TSG101: variants seen among roughly 807,000 people sequenced by gnomAD.
TSG101 encodes tumor susceptibility gene 101 protein.
Under a neutral mutation model 48.5 loss-of-function variants are expected in TSG101, and 19 were observed. The observed-to-expected ratio is 0.39, with a 90% CI of 0.27 to 0.58. The LOEUF (loss-of-function observed/expected upper bound fraction) is 0.58. Ranked by LOEUF, TSG101 falls within the 20% of genes least tolerant of loss-of-function variation. The probability of loss-of-function intolerance (pLI) is 0.55; values close to 1 mark genes in which losing one functional copy is unlikely to be tolerated. For synonymous variants in TSG101, 174 were observed against 169.4 expected (o/e 1.03, Z -0.21); for missense variants, 365 against 484.4 (o/e 0.75, Z 2.31).
chr11:18,522,340 C>G (rs752533478), intron 1 of TSG101, among the ~76,000 whole-genome samples: 7 of 152,208 alleles, frequency 4.6e-5, no homozygotes, highest in Non-Finnish European at 8.8e-5. Flanking sequence ...CCCAAATTTA[C>G]TTCTCCAGTG....
chr11:18,503,661 C>T (rs1426731371), intron 6 of TSG101, among the ~76,000 whole-genome samples: 3 of 152,018 alleles, frequency 2.0e-5, no homozygotes, highest in Non-Finnish European at 2.9e-5. Context: ...TGTGAGCCAC[C>T]GCACCCAGCC....
At chr11:18,492,118 A>C (rs1849707221) in intron 7 of TSG101, among the ~76,000 whole-genome samples, 1 of 152,262 alleles carries the variant, frequency 6.6e-6, no homozygotes, top group Non-Finnish European at 1.5e-5. Context: ...AGATTTCATT[A>C]AGTCCCCAGT....
rs770229047 is a variant in TSG101, at chr11:18,483,887, G to A, written c.826C>T (p.Arg276Cys). The change falls in exon 8 of 10, where the codon CGT becomes TGT. Residue 276 changes from arginine (R) to cysteine (C), a missense_variant. By Grantham distance (180) the Arg-to-Cys change is radical. Coordinates refer to ENST00000251968, the MANE Select transcript of TSG101 (RefSeq NM_006292.4). Reference sequence around the variant, plus strand: ...TCACTTACTACTTCTTGATCTAAACGGGTAACCATCTCTTCCAGTTTCTGG... The same window carrying A: ...TCACTTACTACTTCTTGATCTAAACAGGTAACCATCTCTTCCAGTTTCTGG... The part of the protein sequence containing the change: ...GHQKLEEMVT[R>C]LDQEVAEVDK... The A allele has an allele frequency of 9.9e-6, 16 of 1,614,018 alleles. No individual in the cohort carries two copies. The highest frequency in any genetic ancestry group is 2.2e-5 in the East Asian group (1 of 44,876).
chr11:18,510,734 G>C (rs553217207), intron 4 of TSG101, among the ~76,000 whole-genome samples: 3 of 151,930 alleles, frequency 2.0e-5, no homozygotes, highest in African/African-American at 7.2e-5. Context: ...TCCAGCTTGA[G>C]CTCAGGAGTT....
chr11:18,505,182 A>C (rs1849948300), intron 6 of TSG101, among the ~76,000 whole-genome samples: 1 of 152,198 alleles, frequency 6.6e-6, no homozygotes, highest in African/African-American at 2.4e-5. Context: ...GAAACTAAGA[A>C]GACTTAGTAG....
chr11:18,516,736 G>C (rs1449216525), intron 2 of TSG101, among the ~76,000 whole-genome samples: 1 of 151,826 alleles, frequency 6.6e-6, no homozygotes, highest in Non-Finnish European at 1.5e-5. Context: ...GAGGTCAGGA[G>C]TTTGAGACTA....
At chr11:18,498,748 G>A (rs896796422) in intron 7 of TSG101, among the ~76,000 whole-genome samples, 2 of 152,080 alleles carry the variant, frequency 1.3e-5, no homozygotes, top group African/African-American at 4.8e-5. Flanking sequence ...TTGAACTGGT[G>A]GAAATTATCA....
In TSG101 at chr11:18,514,800, T is replaced by G; in HGVS notation, c.235A>C (p.Thr79Pro). 1.3e-6 allele frequency: 2 copies of G among 1,589,652 alleles called. No individual in the cohort carries two copies. The highest frequency in any genetic ancestry group is 1.7e-6 in the Non-Finnish European group (2 of 1,172,440). ...NIPICLWLLD[T>P]YPYNPPICFV... Reference sequence around the variant, plus strand: ...CAGATAGGGGGATTATATGGGTATGTGTCCAGTAGCCATAGGCATATTGGA... The same window carrying G: ...CAGATAGGGGGATTATATGGGTATGGGTCCAGTAGCCATAGGCATATTGGA... Residue 79 changes from threonine (T) to proline (P), a missense_variant, in exon 4 of 10, where the codon ACA becomes CCA. Coordinates refer to ENST00000251968, the MANE Select transcript of TSG101 (RefSeq NM_006292.4).
chr11:18,524,505 C>A (rs1395364571), intron 1 of TSG101, among the ~76,000 whole-genome samples: 1 of 152,208 alleles, frequency 6.6e-6, no homozygotes, highest in African/African-American at 2.4e-5. Context: ...ACATTTGAAG[C>A]CCTTCTTTAG....
chr11:18,489,029 C>T (rs553801178), intron 7 of TSG101, among the ~76,000 whole-genome samples: 10 of 151,756 alleles, frequency 6.6e-5, no homozygotes, highest in Non-Finnish European at 1.2e-4. Flanking sequence ...ACAGGAGAAT[C>T]GCTGGAACCC....
At chr11:18,516,756 A>T (rs1392783536) in intron 2 of TSG101, among the ~76,000 whole-genome samples, 16 of 151,814 alleles carry the variant, frequency 1.1e-4, no homozygotes, top group Admixed American at 1.0e-3. Context: ...AGCCTGACCA[A>T]CATGGAGAAA....
chr11:18,503,516 G>A (rs1849921214), intron 6 of TSG101, among the ~76,000 whole-genome samples: 2 of 151,880 alleles, frequency 1.3e-5, no homozygotes, highest in Non-Finnish European at 2.9e-5. Flanking sequence ...GGGACTATAG[G>A]TGCCCGCCAC....
At chr11:18,512,716 C>A (rs1251109183) in intron 4 of TSG101, among the ~76,000 whole-genome samples, 2 of 140,752 alleles carry the variant, frequency 1.4e-5, no homozygotes, top group Non-Finnish European at 3.1e-5. Context: ...GATTGAAGGA[C>A]AGACAGATTT....
At chr11:18,490,050 T>C (rs1174268512) in intron 7 of TSG101, among the ~76,000 whole-genome samples, 1 of 150,410 alleles carries the variant, frequency 6.6e-6, no homozygotes, top group Admixed American at 6.6e-5. Context: ...CAGAATGCCG[T>C]GGCATTTATG....
chr11:18,520,841 G>C (rs1358250882), intron 1 of TSG101, among the ~76,000 whole-genome samples: 1 of 152,008 alleles, frequency 6.6e-6, no homozygotes, highest in Non-Finnish European at 1.5e-5. Flanking sequence ...GACCAGCCTG[G>C]CCAACACAGT....
At chr11:18,483,787 C>T in intron 8 of TSG101, 83 bp downstream of exon 8, 1 of 1,460,596 alleles carries the variant, frequency 6.8e-7, no homozygotes, top group Non-Finnish European at 9.5e-7. Flanking sequence ...CTACTATGCC[C>T]ACAACATCCA....
intron 6 of TSG101, among the ~76,000 whole-genome samples, chr11:18,506,217 T>C (rs1488885874): frequency 6.6e-6 from 1 of 152,094 alleles, no homozygotes; most frequent in African/African-American, 2.4e-5. Context: ...TGCATTTTTA[T>C]TTTAAAGAGG....
intron 3 of TSG101, among the ~76,000 whole-genome samples, chr11:18,515,070 CTCAA>C: frequency 6.6e-6 from 1 of 152,096 alleles, no homozygotes; most frequent in Non-Finnish European, 1.5e-5. Flanking sequence ...AATGCTGATA[CTCAA>C]TTAACTGTTT....
At chr11:18,488,022 TTTC>T (rs1321910230) in intron 7 of TSG101, among the ~76,000 whole-genome samples, 3 of 152,238 alleles carry the variant, frequency 2.0e-5, no homozygotes, top group African/African-American at 7.2e-5. Flanking sequence ...TAACAGGATT[TTTC>T]TTTTTTGCTA....
Sources: allele counts gnomAD v4.1 joint callset (sites outside exome capture counted in the v4.1 genomes callset), GRCh38; gene constraint gnomAD v4.1.1; transcripts MANE v1.5; gene names NCBI Gene and HGNC (gene_info 2026-07-23, HGNC 2026-07-21).